The following OFD1 variants were observed in gnomAD, a reference collection of about 807,000 sequenced individuals.
OFD1 encodes centriole and centriolar satellite protein OFD1.
In OFD1, 12 loss-of-function variants were observed where a neutral mutation model predicts 81.4. The ratio of observed to expected loss-of-function variants is 0.15; its 90% CI spans 0.09 to 0.24. The LOEUF is 0.24. OFD1 is among the 10% of genes least tolerant of loss of function. The probability of loss-of-function intolerance (pLI) is 1.00; values close to 1 mark genes in which losing one functional copy is unlikely to be tolerated. For synonymous variants in OFD1, 256 were observed against 263.7 expected (o/e 0.97, Z 0.28); for missense variants, 685 against 733.9 (o/e 0.93, Z 0.77).
intron 5 of OFD1, chrX:13,740,119 T>C (rs1039478805): frequency 2.1e-6 from 2 of 965,459 alleles, no homozygotes; most frequent in African/African-American, 4.0e-5. Context: ...TCGCCAAGTC[T>C]CTTGGTAGTA....
rs759705433 is a variant in OFD1, at chrX:13,744,434, A to G, written c.432A>G (p.Leu144=). ...ENQKGFLMHF[L]KELAEYHQAK... ...TTTTAGGTTTTCTTATGCATTTTTT[A>G]AAAGAATTGGCAGAATATCATCAAG... The change falls in exon 6 of 23, where the codon TTA becomes TTG. Residue 144 remains leucine, a synonymous_variant. Transcript: ENST00000340096. 21 of 1,180,388 alleles carry G rather than the reference A, an allele frequency of 1.8e-5. 1 individual carries two copies. In the South Asian group the frequency reaches 3.2e-4, roughly 18 times the overall value.
At chrX:13,733,872 T>C (rs1218882807), upstream of OFD1, among the ~76,000 whole-genome samples, 1 of 111,676 alleles carries the variant, frequency 9.0e-6, no homozygotes, top group Non-Finnish European at 1.9e-5. Flanking sequence ...TCCACAGAGA[T>C]GATCTGGATC....
chrX:13,763,710 A>G (rs776275090), intron 18 of OFD1, 35 bp from the exon 19 acceptor site: 2 of 1,088,082 alleles, frequency 1.8e-6, no homozygotes, highest in African/African-American at 1.8e-5. Flanking sequence ...TGGTGTTATT[A>G]TTAAGGACTC....
chrX:13,719,672 G>A, the OFD1 span, among the ~76,000 whole-genome samples: 68 of 111,679 alleles, frequency 6.1e-4, no homozygotes, highest in African/African-American at 1.8e-3. Context: ...ATGCCAGAGC[G>A]TCATGCTAGT....
At chrX:13,715,753 A>C in the OFD1 span, 1 of 886,568 alleles carries the variant, frequency 1.1e-6, no homozygotes, top group Non-Finnish European at 1.4e-6. Flanking sequence ...GAGGACAACA[A>C]GGTGAAGAAT....
intron 8 of OFD1, among the ~76,000 whole-genome samples, chrX:13,748,963 C>CA (rs1396544086): frequency 1.8e-5 from 2 of 108,480 alleles, no homozygotes; most frequent in Non-Finnish European, 3.8e-5. Flanking sequence ...TACAAAAATA[C>CA]AAAAAATCAG....
At chrX:13,728,083 G>A in the OFD1 span, among the ~76,000 whole-genome samples, 13 of 111,779 alleles carry the variant, frequency 1.2e-4, no homozygotes, top group Non-Finnish European at 2.3e-4. Flanking sequence ...ACCAATAACA[G>A]GTTCTGAAAT....
Position 13,762,408 on chromosome X carries a change from T to C in OFD1, c.2452T>C (p.Phe818Leu). The C allele has an allele frequency of 1.7e-6, 2 of 1,196,711 alleles. No individual in the cohort carries two copies. The highest frequency in any genetic ancestry group is 2.3e-6 in the Non-Finnish European group (2 of 881,711). The change falls in exon 18 of 23, where the codon TTT (phenylalanine) becomes CTT (leucine). Residue 818 changes from phenylalanine to leucine, a missense_variant. Physicochemically the swap from Phe to Leu is conservative, Grantham distance 22. Around this residue, in one of 3 missense-constraint regions of OFD1, gnomAD observed 259 missense variants for 254.4 expected, o/e 1.02. Coordinates refer to ENST00000340096, the MANE Select transcript of OFD1 (RefSeq NM_003611.3). ...SEFSDVDKLA[F>L]KDNEEFESSF... ...ATTTTCAGATGTGGACAAGCTAGCT[T>C]TTAAGGATAATGAGGAGTTTGAATC...
At chrX:13,735,873 CA>C (rs1255968133) in intron 2 of OFD1, among the ~76,000 whole-genome samples, 1 of 111,901 alleles carries the variant, frequency 8.9e-6, no homozygotes, top group African/African-American at 3.2e-5. Context: ...AGGATTAGCT[CA>C]ACGTGTTTTC....
chrX:13,746,368 G>A lies in OFD1; in HGVS notation c.567G>A (p.Gln189=), dbSNP rs375104416. The A allele has an allele frequency of 8.5e-5, 102 of 1,203,608 alleles. 1 individual carries two copies. Among genetic ancestry groups the A allele is most frequent in the Non-Finnish European group, 1.1e-4 (98 of 889,991 alleles). Residue 189 remains glutamine (Q), a synonymous_variant, in exon 7 of 23, where the codon CAG becomes CAA. Transcript: ENST00000340096. ...ATCAGTTTGCAGATGCTTACCCTCAGCGTATCAAGTTCGAATCTTTAGAAA... is the reference window on the plus strand; with the variant it reads ...ATCAGTTTGCAGATGCTTACCCTCAACGTATCAAGTTCGAATCTTTAGAAA... ...IDDQFADAYP[Q]RIKFESLEIK... is the part of the protein sequence containing the mutation.
rs372568127 is a variant in OFD1 at position 13,736,886 on chromosome X, C to T, written c.312+208C>T. ...TTAATTTCTTGGCGTCTCATTTAGTCTCACATAAAACAGTGATGTATAGAA... is the reference window on the plus strand; with the variant it reads ...TTAATTTCTTGGCGTCTCATTTAGTTTCACATAAAACAGTGATGTATAGAA... On this transcript the variant is annotated intron_variant, in intron 3 of 22. Coordinates refer to ENST00000340096, the MANE Select transcript of OFD1 (RefSeq NM_003611.3). Among the ~76,000 whole-genome samples, 4 of 112,427 alleles carry T rather than the reference C, an allele frequency of 3.6e-5. No homozygotes were observed. The East Asian group carries it at 1.1e-3, about 31-fold the overall frequency.
the OFD1 span, chrX:13,720,558 T>C: frequency 8.9e-6 from 1 of 112,656 alleles, no homozygotes; most frequent in Admixed American, 9.4e-5. Flanking sequence ...TTTGTCTTCT[T>C]TCTACTTGAA....
intron 9 of OFD1, among the ~76,000 whole-genome samples, chrX:13,750,968 A>G: frequency 8.9e-6 from 1 of 112,174 alleles, no homozygotes; most frequent in Non-Finnish European, 1.9e-5. Context: ...ATCACCTATA[A>G]CCATTGTTTG....
downstream of OFD1, among the ~76,000 whole-genome samples, chrX:13,770,813 A>T (rs1230451218): frequency 4.4e-5 from 5 of 112,504 alleles, no homozygotes; most frequent in Admixed American, 2.8e-4. Context: ...TGCCAGAAAT[A>T]AAACAATTAG....
downstream of OFD1, chrX:13,773,518 ATTAAATGAATGTCAAAACCAAAAT>A (rs2048342180): frequency 8.9e-6 from 1 of 111,967 alleles, no homozygotes; most frequent in Non-Finnish European, 1.9e-5. Context: ...CATGGAAAAA[ATTAAATGAATGTCAAAACCAAAAT>A]TAAGAACTAT....
chrX:13,772,714 A>G (rs1233046867), downstream of OFD1: 3 of 365,658 alleles, frequency 8.2e-6, no homozygotes, highest in East Asian at 8.3e-5. Context: ...AAAAAGATTT[A>G]CCCACTGGAA....
Position 13,735,325 on chromosome X carries a change from G to C in OFD1, c.90G>C (p.Arg30=). The C allele has an allele frequency of 8.3e-7, 1 of 1,207,383 alleles. No individual in the cohort carries two copies. The highest frequency in any genetic ancestry group is 1.1e-6 in the Non-Finnish European group (1 of 891,228). ...AGCTATACCAGACGTTTAAGGATCGGGGTATACTGGATACACTCAAGGTAT... is the reference window on the plus strand; with the variant it reads ...AGCTATACCAGACGTTTAAGGATCGCGGTATACTGGATACACTCAAGGTAT... ...RKKLYQTFKD[R]GILDTLKTQL... The change falls in exon 2 of 23, where the codon CGG becomes CGC. Residue 30 remains arginine (R), a synonymous_variant. Coordinates refer to ENST00000340096, the MANE Select transcript of OFD1 (RefSeq NM_003611.3).
At chrX:13,735,782 C>G (rs1482751784) in intron 2 of OFD1, among the ~76,000 whole-genome samples, 1 of 111,936 alleles carries the variant, frequency 8.9e-6, no homozygotes, top group Admixed American at 9.4e-5. Context: ...TATCTTTAAA[C>G]TATATTGAAA....
the OFD1 span, among the ~76,000 whole-genome samples, chrX:13,726,283 G>A: frequency 1.6e-3 from 173 of 111,365 alleles, no homozygotes; most frequent in African/African-American, 5.5e-3. Flanking sequence ...TCCTCGAGAA[G>A]AGGAACCCCA....
Sources: allele counts gnomAD v4.1 joint callset (sites outside exome capture counted in the v4.1 genomes callset), GRCh38; gene constraint gnomAD v4.1.1; regional missense constraint gnomAD v4.1.1; transcripts MANE v1.5; gene names NCBI Gene and HGNC (gene_info 2026-07-23, HGNC 2026-07-21).